Variants in BLOC1S5 observed in about 807,000 individuals in gnomAD.
The protein encoded by BLOC1S5 is biogenesis of lysosomal organelles complex 1 subunit 5, also known as biogenesis of lysosome-related organelles complex 1 subunit 5.
BLOC1S5 carries 27 observed loss-of-function variants against 24.3 expected under a neutral mutation model. The ratio of observed to expected loss-of-function variants is 1.11; its 90% confidence interval spans 0.82 to 1.53. The LOEUF (loss-of-function observed/expected upper bound fraction) is 1.53, where lower values mean the gene tolerates loss of function less well. Ranked by LOEUF, BLOC1S5 falls within the 40% of genes most tolerant of loss-of-function variation. The pLI is 0.00. For synonymous variants in BLOC1S5, 84 were observed against 74.5 expected (o/e 1.13, Z -0.66); for missense variants, 239 against 229.4 (o/e 1.04, Z -0.27).
chr6:8,063,077 A>C (rs909042533), intron 1 of BLOC1S5, among the ~76,000 whole-genome samples: 1 of 152,134 alleles, frequency 6.6e-6, no homozygotes. Flanking sequence ...TAAAAAAGCA[A>C]GTTTCAGAAG....
chr6:8,049,823 C>A (rs766737225), intron 2 of BLOC1S5, among the ~76,000 whole-genome samples: 7 of 151,956 alleles, frequency 4.6e-5, no homozygotes, highest in Non-Finnish European at 1.0e-4. Flanking sequence ...GCGATCCTCC[C>A]GCCTCAGCCC....
chr6:8,062,707 G>A, intron 1 of BLOC1S5, 91 bp from the exon 2 acceptor site: 1 of 838,672 alleles, frequency 1.2e-6, no homozygotes, highest in Non-Finnish European at 1.8e-6. Context: ...ACTAAGAGAT[G>A]AAGGTTAAAA....
At chr6:8,058,417 GAA>G (rs1486388114) in intron 2 of BLOC1S5, among the ~76,000 whole-genome samples, 3 of 144,666 alleles carry the variant, frequency 2.1e-5, no homozygotes, top group Admixed American at 1.4e-4. Flanking sequence ...TTGTAATCTG[GAA>G]GAATCAAGAG....
At chr6:8,043,219 CT>C (rs370805089) in intron 2 of BLOC1S5, among the ~76,000 whole-genome samples, 51 of 152,176 alleles carry the variant, frequency 3.4e-4, no homozygotes, top group African/African-American at 1.1e-3. Flanking sequence ...GTGGGTTATA[CT>C]TAGTAACTTG....
intron 2 of BLOC1S5, among the ~76,000 whole-genome samples, chr6:8,061,952 G>A (rs1177566589): frequency 6.6e-6 from 1 of 152,210 alleles, no homozygotes; most frequent in East Asian, 1.9e-4. Context: ...GACAGAAATA[G>A]TATCAAAGGT....
intron 3 of BLOC1S5, among the ~76,000 whole-genome samples, chr6:8,031,919 T>C (rs1763312599): frequency 6.6e-6 from 1 of 152,140 alleles, no homozygotes; most frequent in South Asian, 2.1e-4. Context: ...ATGCCACATG[T>C]AGAAGAATGA....
intron 3 of BLOC1S5, among the ~76,000 whole-genome samples, chr6:8,038,826 C>T (rs7775486): frequency 0.039 from 5,960 of 152,100 alleles, 370 homozygotes; most frequent in African/African-American, 0.13. Context: ...TGGATACTGG[C>T]GAGGATGTGG....
At chr6:8,035,532 G>T (rs77635006) in intron 3 of BLOC1S5, among the ~76,000 whole-genome samples, 1 of 151,846 alleles carries the variant, frequency 6.6e-6, no homozygotes, top group African/African-American at 2.4e-5. Context: ...ACATTTCCAC[G>T]CAACCAGAAA....
At chr6:8,033,441 C>T (rs1184384031) in intron 3 of BLOC1S5, among the ~76,000 whole-genome samples, 1 of 152,118 alleles carries the variant, frequency 6.6e-6, no homozygotes, top group African/African-American at 2.4e-5. Flanking sequence ...GAAGCTGAAA[C>T]TGGATCCCTT....
rs554976389 is a variant in BLOC1S5 at position 8,060,574 on chromosome 6, C to T, written c.195+1960G>A. ...CCTACTGCAGGTGGCCGGGTGAGGG[C>T]TGACGGTGAGCTGGGTTGGGATAGG... is the stretch of plus-strand genomic sequence containing the variant. On this transcript the variant is annotated intron_variant, in intron 2 of 4. Coordinates refer to ENST00000397457, the MANE Select transcript of BLOC1S5 (RefSeq NM_201280.3). Among the ~76,000 whole-genome samples, 8 of 152,208 alleles carry T rather than the reference C, an allele frequency of 5.3e-5. No homozygotes were observed. The South Asian group carries it at 1.0e-3, about 20-fold the overall frequency.
At chr6:8,045,446 A>C (rs1763846586) in intron 2 of BLOC1S5, among the ~76,000 whole-genome samples, 1 of 152,176 alleles carries the variant, frequency 6.6e-6, no homozygotes, top group South Asian at 2.1e-4. Flanking sequence ...CAGAGTCCCT[A>C]CTGGGGCACT....
At chr6:8,026,158 T>C (rs1019667348) in intron 4 of BLOC1S5, among the ~76,000 whole-genome samples, 1 of 152,178 alleles carries the variant, frequency 6.6e-6, no homozygotes, top group African/African-American at 2.4e-5. Flanking sequence ...ATGGAAATGT[T>C]GAAAAGGAAA....
chr6:8,017,757 A>C (rs149867925), intron 4 of BLOC1S5: 1 of 152,338 alleles, frequency 6.6e-6, no homozygotes, highest in African/African-American at 2.4e-5. Context: ...TTAAGGCTTA[A>C]GGACACTTTT....
intron 2 of BLOC1S5, among the ~76,000 whole-genome samples, chr6:8,047,656 A>G (rs1763953908): frequency 6.6e-6 from 1 of 152,068 alleles, no homozygotes; most frequent in African/African-American, 2.4e-5. Context: ...TTTGTTCTGC[A>G]CAGTTTCCCA....
chr6:8,057,924 G>A (rs531863145), intron 2 of BLOC1S5, among the ~76,000 whole-genome samples: 8 of 152,094 alleles, frequency 5.3e-5, no homozygotes, highest in Non-Finnish European at 1.2e-4. Context: ...TGTTTCTCGA[G>A]TTGTTTCCTC....
At position 8,050,681 on chromosome 6, in the gene BLOC1S5, CA is replaced by C. The variant is rs375583133; in HGVS notation, c.196-9414del. Among the ~76,000 whole-genome samples the C allele has an allele frequency of 2.0e-3, 303 of 151,728 alleles. 2 individuals carry two copies. Among genetic ancestry groups the C allele is most frequent in the African/African-American group, 6.8e-3 (281 of 41,408 alleles). ...GCGGCGGTGTGATCTCGGCTCACCG[CA>C]ACCTCTGCCGCCCAGGTTCAGGCAA... On this transcript the variant is annotated intron_variant, in intron 2 of 4. Transcript: ENST00000397457.
chr6:8,061,961 G>A (rs1369118483), intron 2 of BLOC1S5, among the ~76,000 whole-genome samples: 2 of 152,202 alleles, frequency 1.3e-5, no homozygotes, highest in Non-Finnish European at 1.5e-5. Flanking sequence ...AGTATCAAAG[G>A]TTTTAAAAAG....
chr6:8,016,551 A>AC (rs1204082782), intron 4 of BLOC1S5, among the ~76,000 whole-genome samples: 3 of 152,176 alleles, frequency 2.0e-5, no homozygotes, highest in Non-Finnish European at 4.4e-5. Context: ...ATAAATTATT[A>AC]GTCACTAGAA....
chr6:8,059,157 G>C (rs1044321959), intron 2 of BLOC1S5, among the ~76,000 whole-genome samples: 3 of 152,188 alleles, frequency 2.0e-5, no homozygotes, highest in Non-Finnish European at 4.4e-5. Context: ...TCACTGGAAG[G>C]ATTCCACCTG....
Sources: gnomAD v4.1 joint callset for allele counts (sites outside exome capture counted in the v4.1 genomes callset) on GRCh38, gnomAD v4.1.1 for gene constraint, MANE v1.5 for transcripts, NCBI Gene and HGNC (gene_info 2026-07-23, HGNC 2026-07-21) for gene names.